Variants in MCMDC2 observed in about 807,000 individuals in gnomAD.
The protein encoded by MCMDC2 is minichromosome maintenance domain-containing protein 2.
In MCMDC2, 54 loss-of-function variants were observed where a neutral mutation model predicts 75.8. The ratio of observed to expected loss-of-function variants is 0.71; its 90% CI spans 0.57 to 0.89. MCMDC2 has a LOEUF of 0.89. MCMDC2 is among the 40% of genes least tolerant of loss of function. MCMDC2 has a pLI of 0.00. For missense variants in MCMDC2, 656 were observed against 780.4 expected (o/e 0.84, Z 1.90); for synonymous variants, 249 against 274.6 (o/e 0.91, Z 0.92).
At position 66,870,800 on chromosome 8, in the gene MCMDC2, G is replaced by T. The variant is rs1810974140; in HGVS notation, c.-120G>T. 2 of 152,272 alleles carry T rather than the reference G, an allele frequency of 1.3e-5. No homozygotes were observed. The highest frequency in any genetic ancestry group is 1.3e-4 in the Admixed American group (2 of 15,288). 9.4% of individuals were successfully genotyped at this position (152,272 alleles called of 1,614,324 possible). A position where few individuals can be genotyped will look rare whatever the true frequency, so the allele number is the denominator to read the frequency against. ...CTCCGCTCCGCCTACGCTGCAGGCG[G>T]AGAGCAACCGCCAAGCTTGGTGGGA... On this transcript the variant is annotated 5_prime_UTR_variant, in exon 1 of 15. Transcript: ENST00000422365.
intron 8 of MCMDC2, among the ~76,000 whole-genome samples, chr8:66,883,160 G>A (rs1811674806): frequency 6.6e-6 from 1 of 152,194 alleles, no homozygotes; most frequent in African/African-American, 2.4e-5. Flanking sequence ...AGAGTGAGAG[G>A]ATGGAGAAGA....
chr8:66,909,109 A>G (rs1813010850), intron 14 of MCMDC2, among the ~76,000 whole-genome samples: 1 of 152,180 alleles, frequency 6.6e-6, no homozygotes, highest in Non-Finnish European at 1.5e-5. Flanking sequence ...TGATGGTTTT[A>G]TAAGGGCTCT....
intron 12 of MCMDC2, among the ~76,000 whole-genome samples, chr8:66,898,166 C>T (rs565750164): frequency 6.8e-4 from 104 of 152,146 alleles, no homozygotes; most frequent in African/African-American, 2.3e-3. Flanking sequence ...GCTAATGGCC[C>T]TGACAAATGT....
chr8:66,876,927 A>AT (rs1184891309), intron 4 of MCMDC2, among the ~76,000 whole-genome samples: 1 of 151,772 alleles, frequency 6.6e-6, no homozygotes, highest in Non-Finnish European at 1.5e-5. Context: ...CACCCGGCTA[A>AT]TTTTTTGTAT....
chr8:66,876,941 T>C (rs1264235016), intron 4 of MCMDC2, among the ~76,000 whole-genome samples: 1 of 152,022 alleles, frequency 6.6e-6, no homozygotes. Context: ...TTTGTATTTT[T>C]AGTAGAGAAG....
At position 66,874,173 on chromosome 8, in the gene MCMDC2, C is replaced by T; in HGVS notation, c.33C>T (p.Leu11=). 1 of 1,608,042 alleles carries T rather than the reference C, an allele frequency of 6.2e-7. No individual in the cohort carries two copies. The highest frequency in any genetic ancestry group is 8.5e-7 in the Non-Finnish European group (1 of 1,178,242). Residue 11 remains leucine (L), a synonymous_variant, in exon 2 of 15, where the codon CTC becomes CTT. Coordinates refer to ENST00000422365, the MANE Select transcript of MCMDC2 (RefSeq NM_173518.5). The stretch of plus-strand genomic sequence containing the variant: ...ATCTAAAAATGAAAGAGGCGGCCCT[C>T]ATCTATCTTGACAGAAGTGGAGGCC... MSNLKMKEAA[L]IYLDRSGGLQ...
At chr8:66,923,844 C>T (rs1226200138), downstream of MCMDC2, among the ~76,000 whole-genome samples, 2 of 151,918 alleles carry the variant, frequency 1.3e-5, no homozygotes, top group African/African-American at 4.8e-5. Context: ...GCTGACATCG[C>T]GCCACTGCAC....
intron 10 of MCMDC2, among the ~76,000 whole-genome samples, chr8:66,893,560 C>T (rs745506530): frequency 1.2e-4 from 19 of 152,120 alleles, no homozygotes; most frequent in African/African-American, 2.4e-4. Flanking sequence ...GGAAACTCCC[C>T]GTTTTAAAAC....
At chr8:66,886,447 G>A (rs1811844661) in intron 9 of MCMDC2, among the ~76,000 whole-genome samples, 1 of 152,088 alleles carries the variant, frequency 6.6e-6, no homozygotes, top group African/African-American at 2.4e-5. Context: ...TTACAGGCAT[G>A]AGCCACTGTG....
intron 9 of MCMDC2, among the ~76,000 whole-genome samples, chr8:66,888,804 A>T (rs1811960972): frequency 6.6e-6 from 1 of 152,156 alleles, no homozygotes; most frequent in Admixed American, 6.5e-5. Context: ...GTTCCATATC[A>T]CTAAGTGCTC....
At chr8:66,874,972 T>A (rs1811209098) in intron 4 of MCMDC2, among the ~76,000 whole-genome samples, 1 of 152,116 alleles carries the variant, frequency 6.6e-6, no homozygotes, top group South Asian at 2.1e-4. Flanking sequence ...GCCAGGCTGA[T>A]CTCGAACTCC....
At chr8:66,876,603 C>A (rs1381512510) in intron 4 of MCMDC2, among the ~76,000 whole-genome samples, 1 of 152,148 alleles carries the variant, frequency 6.6e-6, no homozygotes, top group African/African-American at 2.4e-5. Flanking sequence ...TATCCCAGGC[C>A]TGAAATCAGC....
chr8:66,902,711 A>ATATATATAT (rs1554530727), intron 13 of MCMDC2, among the ~76,000 whole-genome samples: 2 of 67,930 alleles, frequency 2.9e-5, no homozygotes, highest in African/African-American at 7.3e-5. Context: ...AAAAAAAAAA[A>ATATATATAT]ATATATATAT....
downstream of MCMDC2, chr8:66,922,406 A>C: frequency 2.1e-6 from 1 of 475,656 alleles, no homozygotes; most frequent in Non-Finnish European, 4.2e-6. Context: ...AAAACAAAGA[A>C]TATTCACCCT....
chr8:66,923,628 G>A (rs1199827177), downstream of MCMDC2, among the ~76,000 whole-genome samples: 1 of 152,136 alleles, frequency 6.6e-6, no homozygotes, highest in Admixed American at 6.5e-5. Flanking sequence ...CGGACACGGT[G>A]TCTCCCGCCT....
intron 14 of MCMDC2, among the ~76,000 whole-genome samples, chr8:66,917,893 C>T (rs1813380998): frequency 6.6e-6 from 1 of 152,192 alleles, no homozygotes; most frequent in South Asian, 2.1e-4. Context: ...TCTTTAAGAT[C>T]CTGCTTTCAG....
intron 11 of MCMDC2, 42 bp downstream of exon 11, chr8:66,896,378 G>A: frequency 6.6e-7 from 1 of 1,505,260 alleles, no homozygotes. Flanking sequence ...GTTGTTCAAG[G>A]AATAAAGTCA....
At chr8:66,914,122 A>T (rs2130868843) in intron 14 of MCMDC2, among the ~76,000 whole-genome samples, 1 of 151,938 alleles carries the variant, frequency 6.6e-6, no homozygotes, top group African/African-American at 2.4e-5. Context: ...TACACAGAAA[A>T]AAAATTTTTT....
At chr8:66,896,066 C>A in intron 10 of MCMDC2, 104 bp from the exon 11 acceptor site, 1 of 1,006,928 alleles carries the variant, frequency 9.9e-7, no homozygotes, top group Non-Finnish European at 1.4e-6. Flanking sequence ...TTTCACTATC[C>A]AAAGTCTACA....
Sources: allele counts gnomAD v4.1 joint callset (sites outside exome capture counted in the v4.1 genomes callset), GRCh38; gene constraint gnomAD v4.1.1; transcripts MANE v1.5; gene names NCBI Gene and HGNC (gene_info 2026-07-23, HGNC 2026-07-21).